TXK: variants seen among roughly 807,000 people sequenced by gnomAD.
The protein encoded by TXK is tyrosine-protein kinase TXK.
Under a neutral mutation model 81.0 loss-of-function variants are expected in TXK, and 60 were observed. The ratio of observed to expected loss-of-function variants is 0.74; its 90% CI spans 0.60 to 0.92. The LOEUF (loss-of-function observed/expected upper bound fraction) is 0.92. Among genes scored for constraint, TXK ranks in the 40% least tolerant of loss-of-function variants. TXK has a pLI of 0.00. For missense variants in TXK, 581 were observed against 638.3 expected, an observed-to-expected ratio of 0.91 and a Z score of 0.97; for synonymous variants, 203 against 210.7, an observed-to-expected ratio of 0.96 and a Z score of 0.32.
chr4:48,115,033 CT>C (rs58957431), intron 1 of TXK, among the ~76,000 whole-genome samples: 65,469 of 148,322 alleles, frequency 0.44, 15,900 homozygotes, highest in African/African-American at 0.65. Flanking sequence ...TTCTTTCTTT[CT>C]TTTTTTTTTT....
chr4:48,108,929 A>G (rs375104000), intron 5 of TXK, among the ~76,000 whole-genome samples: 25 of 152,358 alleles, frequency 1.6e-4, no homozygotes, highest in East Asian at 5.8e-4. Flanking sequence ...GTGTCCATTC[A>G]CTAACCACCA....
At chr4:48,083,671 T>C (rs1241990963) in intron 10 of TXK, among the ~76,000 whole-genome samples, 1 of 152,248 alleles carries the variant, frequency 6.6e-6, no homozygotes, top group Non-Finnish European at 1.5e-5. Flanking sequence ...ATTCATTCAA[T>C]AGTCCATAAA....
chr4:48,097,577 A>G (rs1368984278), intron 6 of TXK, among the ~76,000 whole-genome samples: 1 of 150,878 alleles, frequency 6.6e-6, no homozygotes, highest in Non-Finnish European at 1.5e-5. Context: ...ACTCCTGACT[A>G]CAGGCGCCTG....
chr4:48,117,395 C>T (rs1718842556), intron 1 of TXK, among the ~76,000 whole-genome samples: 1 of 152,164 alleles, frequency 6.6e-6, no homozygotes, highest in Non-Finnish European at 1.5e-5. Flanking sequence ...AATGCATTCC[C>T]TAATGTTTAA....
chr4:48,120,981 G>T (rs1046251644), intron 1 of TXK, among the ~76,000 whole-genome samples: 2 of 152,134 alleles, frequency 1.3e-5, no homozygotes, highest in Non-Finnish European at 2.9e-5. Flanking sequence ...GGCAGCATTG[G>T]TACCATATCC....
At chr4:48,128,267 C>T (rs1016839010) in intron 1 of TXK, among the ~76,000 whole-genome samples, 2 of 152,190 alleles carry the variant, frequency 1.3e-5, no homozygotes, top group Non-Finnish European at 2.9e-5. Flanking sequence ...TGGCTTGAAA[C>T]TGGCTCAGTT....
intron 9 of TXK, among the ~76,000 whole-genome samples, chr4:48,088,320 A>C (rs1449309079): frequency 1.3e-5 from 2 of 152,234 alleles, no homozygotes; most frequent in Non-Finnish European, 2.9e-5. Flanking sequence ...CACATATCCA[A>C]CATATGCTGG....
intron 1 of TXK, among the ~76,000 whole-genome samples, chr4:48,126,768 G>T (rs959299665): frequency 6.6e-6 from 1 of 152,156 alleles, no homozygotes. Flanking sequence ...CTCCCAAACT[G>T]CTGGGATTAC....
At chr4:48,125,703 A>T (rs542784501) in intron 1 of TXK, among the ~76,000 whole-genome samples, 2 of 152,374 alleles carry the variant, frequency 1.3e-5, no homozygotes, top group South Asian at 2.1e-4. Flanking sequence ...GTTTGTAAGC[A>T]TGACATTTGT....
Position 48,073,933 on chromosome 4 carries a change from A to T in TXK, c.1357+2T>A. ...CAGCAAGTGAACATCAGATGCACTC[A>T]CCAAATGACCAGACATCAGATTTAC... On this transcript the variant is annotated splice_donor_variant, in intron 13 of 14. Transcript: ENST00000264316. LOFTEE classifies it high-confidence loss of function. 1 of 1,587,574 alleles carries T rather than the reference A, an allele frequency of 6.3e-7. No individual in the cohort carries two copies. The highest frequency in any genetic ancestry group is 8.6e-7 in the Non-Finnish European group (1 of 1,157,942).
chr4:48,073,391 C>G (rs1051952176), intron 13 of TXK, among the ~76,000 whole-genome samples: 2 of 152,134 alleles, frequency 1.3e-5, no homozygotes, highest in Non-Finnish European at 2.9e-5. Flanking sequence ...TATGGTGTCT[C>G]TTTCTCAATG....
At chr4:48,108,617 T>C (rs933096003) in intron 5 of TXK, among the ~76,000 whole-genome samples, 1 of 152,228 alleles carries the variant, frequency 6.6e-6, no homozygotes, top group Middle Eastern at 3.2e-3. Flanking sequence ...TCAATAATGA[T>C]AGCTATTTTA....
rs188397162 is a variant in TXK at position 48,096,052 on chromosome 4, G to A, written c.502-830C>T. ...CTGGTATTATTTACATTGTGCTTGA[G>A]AATTGCAGAACCCAAATAGCATGGT... On this transcript the variant is annotated intron_variant, in intron 6 of 14. Coordinates refer to ENST00000264316, the MANE Select transcript of TXK (RefSeq NM_003328.3). Among the ~76,000 whole-genome samples the A allele has an allele frequency of 2.9e-4, 44 of 152,282 alleles. No individual in the cohort carries two copies. The East Asian group carries it at 8.1e-3, about 28-fold the overall frequency.
At chr4:48,105,702 A>G (rs4283634) in intron 5 of TXK, among the ~76,000 whole-genome samples, 5,406 of 152,204 alleles carry the variant, frequency 0.036, 326 homozygotes, top group African/African-American at 0.12. Flanking sequence ...TTAAAAAATC[A>G]AAAAACAGAA....
rs1410685487 is a variant in TXK at position 48,076,466 on chromosome 4, C to A, written c.1174G>T (p.Ala392Ser). ...ERNGYIHRDL[A>S]ARNCLVSSTC... The stretch of plus-strand genomic sequence containing the variant: ...GAACTGACCAAACAATTCCTTGCCG[C>A]CTATGGAAAGAAGAAAAGAATCCAA... Residue 392 changes from alanine to serine, a missense_variant and splice_region_variant, in exon 12 of 15, where the codon GCG becomes TCG. Ala to Ser is a moderately conservative substitution (Grantham distance 99). Coordinates refer to ENST00000264316, the MANE Select transcript of TXK (RefSeq NM_003328.3). 6.2e-7 allele frequency: 1 copy of A among 1,607,306 alleles called. No individual in the cohort carries two copies. The highest frequency in any genetic ancestry group is 2.2e-5 in the East Asian group (1 of 44,740).
At chr4:48,097,533 CTCAGCCTCCTGAGTAAAT>C (rs1276283103) in intron 6 of TXK, among the ~76,000 whole-genome samples, 2 of 150,846 alleles carry the variant, frequency 1.3e-5, no homozygotes, top group Non-Finnish European at 2.9e-5. Context: ...ATTCTCTTGC[CTCAGCCTCCTGAGTAAAT>C]TCAAACTCCT....
chr4:48,095,977 A>C (rs1353864122), intron 6 of TXK, among the ~76,000 whole-genome samples: 1 of 152,218 alleles, frequency 6.6e-6, no homozygotes. Flanking sequence ...AAGAGGGAAA[A>C]TACATCTCAG....
chr4:48,117,881 T>A (rs1239648324), intron 1 of TXK, among the ~76,000 whole-genome samples: 1 of 152,192 alleles, frequency 6.6e-6, no homozygotes, highest in Non-Finnish European at 1.5e-5. Flanking sequence ...TGCTTTGGAG[T>A]TATGGGACAC....
intron 5 of TXK, among the ~76,000 whole-genome samples, chr4:48,105,365 C>CT (rs1718419133): frequency 6.6e-6 from 1 of 152,102 alleles, no homozygotes; most frequent in South Asian, 2.1e-4. Flanking sequence ...CTTTGTTACC[C>CT]CTTCCAAAAA....
Sources: gnomAD v4.1 joint callset for allele counts (sites outside exome capture counted in the v4.1 genomes callset) on GRCh38, gnomAD v4.1.1 for gene constraint, MANE v1.5 for transcripts, NCBI Gene and HGNC (gene_info 2026-07-23, HGNC 2026-07-21) for gene names.